NKD1: variants seen among roughly 807,000 people sequenced by gnomAD.
NKD1 encodes the protein NKD inhibitor of Wnt signaling pathway 1, also known as protein naked cuticle homolog 1.
A neutral mutation model predicts 56.0 loss-of-function variants in NKD1; 21 were observed. That is an observed-to-expected ratio of 0.38 (90% CI 0.27 to 0.54). NKD1 has a LOEUF of 0.54. NKD1 is among the 20% of genes least tolerant of loss of function. NKD1 has a pLI of 0.82. For synonymous variants in NKD1, 263 were observed against 265.7 expected (o/e 0.99, Z 0.10); for missense variants, 578 against 642.7 (o/e 0.90, Z 1.09).
At chr16:50,548,806 G>A in intron 2 of NKD1, 57 bp downstream of exon 2, 1 of 1,342,348 alleles carries the variant, frequency 7.4e-7, no homozygotes, top group East Asian at 3.1e-5. Flanking sequence ...CCGCGGCCGC[G>A]GCAGAACGGC....
At position 50,636,737 on chromosome 16, in the gene NKD1, T is replaced by C. The variant is rs1466438340; in HGVS notation, c.*2956T>C. The C allele has an allele frequency of 6.6e-6, 1 of 152,252 alleles. No individual in the cohort carries two copies. The highest frequency in any genetic ancestry group is 1.9e-4 in the East Asian group (1 of 5,208). The allele number at this position is 152,252 out of a possible 1,614,324, so 9.4% of individuals were successfully genotyped here. On this transcript the variant is annotated 3_prime_UTR_variant, in exon 10 of 10. Transcript: ENST00000268459. ...AAATGCATTTCTATATCTTCCCATA[T>C]GCATTTTGTTAATTTTTAAAGTATT...
chr16:50,567,887 A>C (rs1009745212), intron 3 of NKD1, among the ~76,000 whole-genome samples: 5 of 152,280 alleles, frequency 3.3e-5, no homozygotes, highest in Non-Finnish European at 5.9e-5. Flanking sequence ...TGAGCTTGTC[A>C]TAAAACTGGC....
rs12918770 is a variant in NKD1 at position 50,627,890 on chromosome 16, G to A, written c.463-2296G>A. 3.8e-3 allele frequency among the ~76,000 whole-genome samples: 579 copies of A among 152,264 alleles called. 1 individual carries two copies. Among genetic ancestry groups the A allele is most frequent in the Middle Eastern group, 6.8e-3 (2 of 294 alleles). On this transcript the variant is annotated intron_variant, in intron 6 of 9. Coordinates refer to ENST00000268459, the MANE Select transcript of NKD1 (RefSeq NM_033119.5). Reference sequence around the variant, plus strand: ...CCTCTAAGGTATCAGAAGTTTGGGGGATGAAGTGAGCGGCCATCAGCTGCC... The same window carrying A: ...CCTCTAAGGTATCAGAAGTTTGGGGAATGAAGTGAGCGGCCATCAGCTGCC...
At chr16:50,600,082 G>C (rs759668996) in intron 3 of NKD1, among the ~76,000 whole-genome samples, 6 of 152,246 alleles carry the variant, frequency 3.9e-5, no homozygotes, top group Non-Finnish European at 7.4e-5. Context: ...CCTGACCACT[G>C]TGGGGGCCAG....
intron 3 of NKD1, chr16:50,556,263 A>G (rs959818481): frequency 6.6e-6 from 1 of 152,326 alleles, no homozygotes; most frequent in Non-Finnish European, 1.5e-5. Flanking sequence ...CGCTCCTGCC[A>G]AGCCCAGGTG....
intron 3 of NKD1, among the ~76,000 whole-genome samples, chr16:50,601,050 A>G (rs1231647288): frequency 6.6e-6 from 1 of 152,234 alleles, no homozygotes; most frequent in Non-Finnish European, 1.5e-5. Context: ...GGCGTCTTGA[A>G]GGCCTGGTCC....
intron 3 of NKD1, among the ~76,000 whole-genome samples, chr16:50,565,835 A>T (rs370465641): frequency 6.6e-6 from 1 of 152,256 alleles, no homozygotes; most frequent in South Asian, 2.1e-4. Context: ...ATCAGAATGT[A>T]TAATCTTATT....
chr16:50,599,907 G>GT lies in NKD1; in HGVS notation c.193-8379dup, dbSNP rs536644542. Among the ~76,000 whole-genome samples the GT allele has an allele frequency of 1.3e-3, 200 of 152,036 alleles. 1 individual carries two copies. The highest frequency in any genetic ancestry group is 2.4e-3 in the Admixed American group (36 of 15,266). On this transcript the variant is annotated intron_variant, in intron 3 of 9. Coordinates refer to ENST00000268459, the MANE Select transcript of NKD1 (RefSeq NM_033119.5). Reference sequence around the variant, plus strand: ...TCTGTTGTTGGTGTTGGTGTTTTGGGTTTTTTTTCCCCCATTAGTCATTTT... The same window carrying GT: ...TCTGTTGTTGGTGTTGGTGTTTTGGGTTTTTTTTTCCCCCATTAGTCATTTT...
At chr16:50,593,928 G>T (rs906424837) in intron 3 of NKD1, among the ~76,000 whole-genome samples, 3 of 152,182 alleles carry the variant, frequency 2.0e-5, no homozygotes, top group African/African-American at 7.2e-5. Flanking sequence ...GAGGAAGGGG[G>T]CGCTGGAGAC....
intron 3 of NKD1, among the ~76,000 whole-genome samples, chr16:50,580,535 G>A (rs1961095581): frequency 6.6e-6 from 1 of 152,214 alleles, no homozygotes; most frequent in Admixed American, 6.5e-5. Context: ...GAGAAGCTTG[G>A]GAAACGGGTG....
chr16:50,574,286 G>A (rs1358873345), intron 3 of NKD1: 7 of 985,260 alleles, frequency 7.1e-6, no homozygotes, highest in African/African-American at 1.7e-5. Flanking sequence ...TGGACAGTGG[G>A]GGCTAGGGAT....
rs1962604613 is a variant in NKD1 at position 50,642,858 on chromosome 16, T to C, written c.*9077T>C. On this transcript the variant is annotated 3_prime_UTR_variant, in exon 10 of 10. Coordinates refer to ENST00000268459, the MANE Select transcript of NKD1 (RefSeq NM_033119.5). ...CAAAAAACACTTGAGGACATGACTT[T>C]TCCCTCTCAAGTTTGATGGGATCAC... The C allele has an allele frequency of 6.6e-6, 1 of 152,204 alleles. No homozygotes were observed. The highest frequency in any genetic ancestry group is 1.5e-5 in the Non-Finnish European group (1 of 68,038). 9.4% of individuals were successfully genotyped at this position (152,204 alleles called of 1,614,324 possible). A position where few individuals can be genotyped will look rare whatever the true frequency, so the allele number is the denominator to read the frequency against.
chr16:50,616,873 G>T (rs2151277687), intron 4 of NKD1, among the ~76,000 whole-genome samples: 1 of 152,300 alleles, frequency 6.6e-6, no homozygotes, highest in Non-Finnish European at 1.5e-5. Flanking sequence ...TAGGGTATTG[G>T]TCATATGAGT....
At chr16:50,552,699 C>A (rs1434793781) in intron 3 of NKD1, among the ~76,000 whole-genome samples, 1 of 152,226 alleles carries the variant, frequency 6.6e-6, no homozygotes, top group Non-Finnish European at 1.5e-5. Flanking sequence ...ATATTTTCAT[C>A]CCTGGCGGGT....
At chr16:50,549,316 C>T in intron 2 of NKD1, 106 bp from the exon 3 acceptor site, 2 of 1,426,942 alleles carry the variant, frequency 1.4e-6, no homozygotes, top group South Asian at 2.7e-5. Context: ...TCCTGGCCCC[C>T]GTGCCGTGGT....
intron 3 of NKD1, among the ~76,000 whole-genome samples, chr16:50,589,502 C>G (rs1387679398): frequency 6.6e-6 from 1 of 152,190 alleles, no homozygotes; most frequent in East Asian, 1.9e-4. Context: ...GCAGCCCACT[C>G]TAGTCAGCCT....
rs1399688875 is a variant in NKD1, at chr16:50,642,502, TA to T, written c.*8722del. The stretch of plus-strand genomic sequence containing the variant: ...TTGGACCTGAGCTGAGTCCTGGTTC[TA>T]CTACTTCCTAGATGTGTGACCTGGG... On this transcript the variant is annotated 3_prime_UTR_variant, in exon 10 of 10. Transcript: ENST00000268459. 6.6e-6 allele frequency: 1 copy of T among 152,290 alleles called. No individual in the cohort carries two copies. The highest frequency in any genetic ancestry group is 1.5e-5 in the Non-Finnish European group (1 of 68,070). 9.4% of individuals were successfully genotyped at this position (152,290 alleles called of 1,614,324 possible).
At chr16:50,600,744 A>T (rs888873420) in intron 3 of NKD1, among the ~76,000 whole-genome samples, 22 of 152,234 alleles carry the variant, frequency 1.4e-4, no homozygotes, top group African/African-American at 5.1e-4. Flanking sequence ...TCTAGGGATT[A>T]TGAGTACCCT....
intron 3 of NKD1, among the ~76,000 whole-genome samples, chr16:50,592,240 G>C (rs1961382927): frequency 6.6e-6 from 1 of 152,214 alleles, no homozygotes; most frequent in South Asian, 2.1e-4. Context: ...GCCGCCGCCT[G>C]GGGGCTGCTG....
Sources: allele counts gnomAD v4.1 joint callset (sites outside exome capture counted in the v4.1 genomes callset), GRCh38; gene constraint gnomAD v4.1.1; transcripts MANE v1.5; gene names NCBI Gene and HGNC (gene_info 2026-07-23, HGNC 2026-07-21).